The following CHD1L variants were observed in gnomAD, a reference collection of about 807,000 sequenced individuals.
The protein encoded by CHD1L is chromodomain helicase DNA binding protein 1 like, also known as ATP-dependent chromatin remodeler CHD1L.
Under a neutral mutation model 115.9 loss-of-function variants are expected in CHD1L, and 118 were observed. The observed-to-expected ratio is 1.02, with a 90% CI of 0.88 to 1.19. The LOEUF is 1.19. Among genes scored for constraint, CHD1L ranks in the 50% most tolerant of loss-of-function variants. The pLI, the probability that CHD1L is intolerant of heterozygous loss-of-function variation, is 0.00. For missense variants in CHD1L, 1,179 were observed against 1,065.3 expected (o/e 1.11, Z -1.49); for synonymous variants, 411 against 387.1 (o/e 1.06, Z -0.72).
Position 147,289,944 on chromosome 1 carries a change from TG to T in CHD1L, c.2321-1535del, listed in dbSNP as rs587691601. On this transcript the variant is annotated intron_variant, in intron 19 of 22. Transcript: ENST00000369258. ...CTGCGCAGAACCTTATCTAATGGAA[TG>T]GGTAATAGCTGGTCGTTTTGGGGGA... Among the ~76,000 whole-genome samples, 899 of 152,312 alleles carry T rather than the reference TG, an allele frequency of 5.9e-3. 5 individuals are homozygous for T. Among genetic ancestry groups the T allele is most frequent in the Non-Finnish European group, 9.3e-3 (636 of 68,024 alleles).
At chr1:147,184,709 A>G in the CHD1L span, 3 of 1,388,346 alleles carry the variant, frequency 2.2e-6, no homozygotes, top group Non-Finnish European at 2.8e-6. The surrounding 1 kb of genome is among the most constrained non-coding windows in gnomAD (Gnocchi z 4.4). Context: ...GGTACATACT[A>G]TCAGTGTGAC....
intron 20 of CHD1L, 34 bp downstream of exon 20, chr1:147,291,586 G>A: frequency 6.4e-7 from 1 of 1,559,092 alleles, no homozygotes; most frequent in Admixed American, 1.7e-5. Context: ...AGAACTACAA[G>A]TGGACTCACA....
At chr1:147,229,412 C>T in the CHD1L span, among the ~76,000 whole-genome samples, 1 of 152,012 alleles carries the variant, frequency 6.6e-6, no homozygotes, top group Non-Finnish European at 1.5e-5. Flanking sequence ...GTTACTGTAG[C>T]CTTGTAGTAT....
chr1:147,225,436 C>T, the CHD1L span: 9 of 168,768 alleles, frequency 5.3e-5, no homozygotes, highest in African/African-American at 1.9e-4. Flanking sequence ...TTTCAGGGAC[C>T]ACTCCCCCGC....
At chr1:147,269,685 AAAG>A (rs1453031550) in intron 10 of CHD1L, among the ~76,000 whole-genome samples, 5 of 151,086 alleles carry the variant, frequency 3.3e-5, no homozygotes, top group African/African-American at 1.2e-4. Flanking sequence ...AAAAAAAAAA[AAAG>A]ACCAGGTTCA....
At chr1:147,204,927 C>T in the CHD1L span, 1 of 1,558,838 alleles carries the variant, frequency 6.4e-7, no homozygotes, top group Non-Finnish European at 8.8e-7. Flanking sequence ...GAACTTGAAG[C>T]GCCATGGCCA....
chr1:147,218,152 T>C, the CHD1L span, among the ~76,000 whole-genome samples: 3 of 152,208 alleles, frequency 2.0e-5, no homozygotes, highest in Admixed American at 6.5e-5. Flanking sequence ...TATATTTTTG[T>C]ATAACTTAAA....
At chr1:147,292,542 A>C (rs1475556810) in intron 20 of CHD1L, among the ~76,000 whole-genome samples, 1 of 152,206 alleles carries the variant, frequency 6.6e-6, no homozygotes, top group Non-Finnish European at 1.5e-5. Context: ...ACTGTGATAA[A>C]AGAATTCCCT....
the CHD1L span, among the ~76,000 whole-genome samples, chr1:147,230,801 G>A: frequency 6.7e-3 from 1,020 of 151,264 alleles, 8 homozygotes; most frequent in Non-Finnish European, 0.01. Flanking sequence ...TTGTGTAGAG[G>A]TGTTTATAGT....
the CHD1L span, among the ~76,000 whole-genome samples, chr1:147,195,459 C>T: frequency 3.9e-5 from 6 of 152,132 alleles, no homozygotes; most frequent in South Asian, 1.2e-3. Context: ...ACATTTTATG[C>T]CTAAAGTCCT....
chr1:147,214,930 G>A, the CHD1L span: 2 of 152,066 alleles, frequency 1.3e-5, no homozygotes, highest in Non-Finnish European at 2.9e-5. Flanking sequence ...GAATGTAAAT[G>A]ACTTACTTTA....
the CHD1L span, chr1:147,201,101 A>T: frequency 7.7e-7 from 1 of 1,306,894 alleles, no homozygotes; most frequent in South Asian, 1.3e-5. Flanking sequence ...ACCTAAACAG[A>T]GGTAAACATA....
intron 21 of CHD1L, 107 bp downstream of exon 21, chr1:147,293,829 G>C (rs2103034108): frequency 1.2e-6 from 1 of 868,016 alleles, no homozygotes; most frequent in Non-Finnish European, 1.8e-6. Context: ...AATATGCACG[G>C]TAAAGGCAAA....
At chr1:147,180,694 A>G in the CHD1L span, among the ~76,000 whole-genome samples, 3 of 152,098 alleles carry the variant, frequency 2.0e-5, no homozygotes, top group Admixed American at 6.5e-5. Flanking sequence ...TACCCACCCA[A>G]TTTTCACAAG....
chr1:147,193,756 C>T, the CHD1L span, among the ~76,000 whole-genome samples: 2 of 152,096 alleles, frequency 1.3e-5, no homozygotes, highest in Admixed American at 6.6e-5. Context: ...GCTTTCGTTT[C>T]GTTATGTACC....
At chr1:147,198,868 A>AG in the CHD1L span, among the ~76,000 whole-genome samples, 5,809 of 145,594 alleles carry the variant, frequency 0.04, 104 homozygotes, top group African/African-American at 0.056. Context: ...AAAAAAAAAA[A>AG]AAAAAAAGAA....
At chr1:147,239,751 G>C (rs72691012), upstream of CHD1L, among the ~76,000 whole-genome samples, 29,781 of 152,102 alleles carry the variant, frequency 0.2, 3,381 homozygotes, top group Middle Eastern at 0.26. Flanking sequence ...CTGGCTTATA[G>C]CTAGGACTCT....
Position 147,267,434 on chromosome 1 carries a change from G to T in CHD1L, c.904G>T (p.Glu302Ter). ...TTTTTTTTAAATTTCAGATGCATTT[G>T]AAAATGAGACGGCAAAGAAAGTTAA... ...AILMKDLDAF[E>*]NETAKKVKLQ... Residue 302 changes from glutamate to a stop codon, truncating the protein, a stop_gained, in exon 9 of 23, where the codon GAA becomes TAA. Transcript: ENST00000369258. LOFTEE classifies it high-confidence loss of function. The T allele has an allele frequency of 6.2e-7, 1 of 1,611,184 alleles. No individual in the cohort carries two copies. Among genetic ancestry groups the T allele is most frequent in the South Asian group, 1.1e-5 (1 of 90,694 alleles).
At chr1:147,288,323 A>AT (rs1553967767) in intron 19 of CHD1L, among the ~76,000 whole-genome samples, 1,824 of 4,132 alleles carry the variant, frequency 0.44, 150 homozygotes, top group East Asian at 0.56. Flanking sequence ...ACCCTGTTTC[A>AT]ATAAAAAAAA....
Sources: gnomAD v4.1 joint callset for allele counts (sites outside exome capture counted in the v4.1 genomes callset) on GRCh38, gnomAD v4.1.1 for gene constraint, Gnocchi (gnomAD v3.1) non-coding constraint, MANE v1.5 for transcripts, NCBI Gene and HGNC (gene_info 2026-07-23, HGNC 2026-07-21) for gene names.